LRCH1: variants seen among roughly 807,000 people sequenced by gnomAD.
The protein encoded by LRCH1 is leucine-rich repeat and calponin homology domain-containing protein 1.
In LRCH1, 23 loss-of-function variants were observed where a neutral mutation model predicts 94.9. The ratio of observed to expected loss-of-function variants is 0.24; its 90% CI spans 0.17 to 0.34. The LOEUF (loss-of-function observed/expected upper bound fraction) is 0.34. LRCH1 is among the 10% of genes least tolerant of loss of function. The probability of loss-of-function intolerance (pLI) is 1.00; values close to 1 mark genes in which losing one functional copy is unlikely to be tolerated. For synonymous variants in LRCH1, 364 were observed against 354.9 expected (o/e 1.03, Z -0.29); for missense variants, 790 against 945.9 (o/e 0.84, Z 2.16).
chr13:46,562,382 G>T (rs1327547825), intron 1 of LRCH1, among the ~76,000 whole-genome samples: 1 of 152,094 alleles, frequency 6.6e-6, no homozygotes, highest in East Asian at 1.9e-4. Context: ...TTCTCCTGAG[G>T]CCTCTCTCTT....
chr13:46,576,679 T>C (rs976935418), intron 1 of LRCH1, among the ~76,000 whole-genome samples: 8 of 151,942 alleles, frequency 5.3e-5, no homozygotes, highest in Admixed American at 5.3e-4. Context: ...AGTAGAATTT[T>C]ATATTTACCC....
At chr13:46,636,386 T>C (rs1239031612) in intron 1 of LRCH1, among the ~76,000 whole-genome samples, 1 of 152,230 alleles carries the variant, frequency 6.6e-6, no homozygotes, top group African/African-American at 2.4e-5. Context: ...TCAACCATTC[T>C]TAAGTGTGCA....
chr13:46,751,337 G>A (rs1312718215), exon 19 of LRCH1: 3 of 151,946 alleles, frequency 2.0e-5, no homozygotes, highest in Admixed American at 6.6e-5. Flanking sequence ...CGAAAAACAG[G>A]TGCTTTTAGG....
intron 3 of LRCH1, chr13:46,680,100 G>C (rs914751774): frequency 2.6e-5 from 4 of 152,198 alleles, no homozygotes; most frequent in African/African-American, 9.6e-5. Context: ...AGTAAAGCGG[G>C]ATATTTAAGG....
intron 1 of LRCH1, among the ~76,000 whole-genome samples, chr13:46,566,532 C>T (rs567142734): frequency 2.0e-5 from 3 of 152,226 alleles, no homozygotes; most frequent in South Asian, 2.1e-4. Flanking sequence ...CTTGTGAGGT[C>T]GGGAGTATCA....
rs376075841 is a variant in LRCH1, at chr13:46,589,360, AG to A, written c.307+35660del. Among the ~76,000 whole-genome samples, 323 of 152,244 alleles carry A rather than the reference AG, an allele frequency of 2.1e-3. 1 individual carries two copies. The highest frequency in any genetic ancestry group is 7.4e-3 in the African/African-American group (307 of 41,534). On this transcript the variant is annotated intron_variant, in intron 1 of 19. Transcript: ENST00000389797. ...CTTGAGCATCTGTTTCCTAATAGTAAGGGCATTCTCGTACATAAAGACACTA... is the reference window on the plus strand; with the variant it reads ...CTTGAGCATCTGTTTCCTAATAGTAAGGCATTCTCGTACATAAAGACACTA...
At chr13:46,595,148 C>G (rs1178850627) in intron 1 of LRCH1, among the ~76,000 whole-genome samples, 1 of 152,092 alleles carries the variant, frequency 6.6e-6, no homozygotes, top group Non-Finnish European at 1.5e-5. Flanking sequence ...TAGTTTTGTT[C>G]TGTCATCTCC....
intron 1 of LRCH1, among the ~76,000 whole-genome samples, chr13:46,622,201 T>C (rs891666098): frequency 1.3e-5 from 1 of 75,666 alleles, no homozygotes. Context: ...TTTTTTTTTT[T>C]TCCCCCCAAG....
intron 1 of LRCH1, among the ~76,000 whole-genome samples, chr13:46,555,626 G>A (rs2050055318): frequency 6.6e-6 from 1 of 152,198 alleles, no homozygotes; most frequent in Non-Finnish European, 1.5e-5. Flanking sequence ...TTATGCTCAG[G>A]AAAATCTAAC....
intron 1 of LRCH1, among the ~76,000 whole-genome samples, chr13:46,573,867 T>TA (rs1555269135): frequency 0.028 from 1,477 of 52,806 alleles, 32 homozygotes; most frequent in African/African-American, 0.087. Flanking sequence ...TATATATATA[T>TA]TTTTTTTTTT....
chr13:46,649,245 T>C (rs2051261352), intron 1 of LRCH1, among the ~76,000 whole-genome samples: 1 of 152,252 alleles, frequency 6.6e-6, no homozygotes, highest in Admixed American at 6.5e-5. Flanking sequence ...TATTATTTAC[T>C]GAAAATCTTC....
intron 15 of LRCH1, among the ~76,000 whole-genome samples, chr13:46,713,590 A>G (rs1872178553): frequency 6.6e-6 from 1 of 152,232 alleles, no homozygotes; most frequent in Non-Finnish European, 1.5e-5. Flanking sequence ...TGAATGGGCC[A>G]TAGAAGAAAA....
intron 18 of LRCH1, among the ~76,000 whole-genome samples, chr13:46,732,263 T>C (rs1486002214): frequency 1.3e-5 from 2 of 152,236 alleles, no homozygotes; most frequent in Non-Finnish European, 2.9e-5. Context: ...ATCACTATCA[T>C]TGTCAGTATC....
intron 19 of LRCH1, among the ~76,000 whole-genome samples, chr13:46,737,212 T>G (rs1873426788): frequency 6.6e-6 from 1 of 151,890 alleles, no homozygotes; most frequent in African/African-American, 2.4e-5. Context: ...CTAAATTCAC[T>G]GAATAAATAG....
At chr13:46,692,167 G>A (rs1870932634) in intron 7 of LRCH1, among the ~76,000 whole-genome samples, 1 of 152,144 alleles carries the variant, frequency 6.6e-6, no homozygotes, top group African/African-American at 2.4e-5. Flanking sequence ...CTGTGTATCA[G>A]TACCTGACAA....
At chr13:46,573,866 A>ATATATATATATATTTTTTTT in intron 1 of LRCH1, among the ~76,000 whole-genome samples, 1 of 63,414 alleles carries the variant, frequency 1.6e-5, no homozygotes, top group Non-Finnish European at 3.2e-5. Context: ...ATATATATAT[A>ATATATATATATATTTTTTTT]TTTTTTTTTT....
chr13:46,584,805 C>T, intron 1 of LRCH1, among the ~76,000 whole-genome samples: 2 of 152,276 alleles, frequency 1.3e-5, no homozygotes, highest in Middle Eastern at 6.8e-3. Context: ...AACCCACATG[C>T]AATCGATTAA....
chr13:46,743,853 T>C lies in LRCH1; in HGVS notation c.*2005T>C. 1 of 984,126 alleles carries C rather than the reference T, an allele frequency of 1.0e-6. No individual in the cohort carries two copies. Among genetic ancestry groups the C allele is most frequent in the Non-Finnish European group, 1.2e-6 (1 of 828,734 alleles). 61.0% of individuals were successfully genotyped at this position (984,126 alleles called of 1,614,324 possible). A position where few individuals can be genotyped will look rare whatever the true frequency, so the allele number is the denominator to read the frequency against. On this transcript the variant is annotated 3_prime_UTR_variant, in exon 20 of 20. Coordinates refer to ENST00000389797, the MANE Select transcript of LRCH1 (RefSeq NM_001164211.2). ...GTGTTGATATAGTTCAATTAAAACA[T>C]GTTAAAGACAAATTAAAAGACATTT...
intron 17 of LRCH1, among the ~76,000 whole-genome samples, chr13:46,728,199 G>A (rs1013352479): frequency 6.6e-6 from 1 of 151,832 alleles, no homozygotes; most frequent in African/African-American, 2.4e-5. Flanking sequence ...TTACAGGTGT[G>A]AGCCACCACT....
Sources: allele counts gnomAD v4.1 joint callset (sites outside exome capture counted in the v4.1 genomes callset), GRCh38; gene constraint gnomAD v4.1.1; transcripts MANE v1.5; gene names NCBI Gene and HGNC (gene_info 2026-07-23, HGNC 2026-07-21).